The following GSTCD variants were observed in gnomAD, a reference collection of about 807,000 sequenced individuals.
GSTCD encodes glutathione S-transferase C-terminal domain containing.
GSTCD carries 44 observed loss-of-function variants against 68.3 expected under a neutral mutation model. The observed-to-expected ratio is 0.64, with a 90% CI of 0.51 to 0.83. The LOEUF is 0.83. Among genes scored for constraint, GSTCD ranks in the 40% least tolerant of loss-of-function variants. GSTCD has a pLI of 0.00. For synonymous variants in GSTCD, 273 were observed against 255.2 expected (o/e 1.07, Z -0.67); for missense variants, 739 against 735.9 (o/e 1.00, Z -0.05).
At chr4:105,795,039 T>A (rs1219085871) in intron 5 of GSTCD, among the ~76,000 whole-genome samples, 2 of 151,826 alleles carry the variant, frequency 1.3e-5, no homozygotes, top group Non-Finnish European at 2.9e-5. Flanking sequence ...CACACCCAGC[T>A]AATTTTTTGT....
chr4:105,749,062 C>T (rs1411861178), intron 5 of GSTCD, among the ~76,000 whole-genome samples: 1 of 151,296 alleles, frequency 6.6e-6, no homozygotes, highest in Non-Finnish European at 1.5e-5. Flanking sequence ...AGTAATGTAC[C>T]ATATAATCTT....
intron 5 of GSTCD, chr4:105,761,269 G>A: frequency 6.0e-6 from 1 of 167,504 alleles, no homozygotes; most frequent in Non-Finnish European, 1.3e-5. Context: ...CTCCCAAAGT[G>A]CCAGGATTAT....
At chr4:105,820,708 C>T (rs1209649561) in intron 5 of GSTCD, 1 of 151,822 alleles carries the variant, frequency 6.6e-6, no homozygotes, top group African/African-American at 2.4e-5. Context: ...TTATGTGCAG[C>T]GTATGGTCTC....
At chr4:105,818,905 A>G (rs965281937) in intron 5 of GSTCD, among the ~76,000 whole-genome samples, 3 of 151,758 alleles carry the variant, frequency 2.0e-5, no homozygotes, top group Non-Finnish European at 4.4e-5. Flanking sequence ...TTGGGGTTCA[A>G]TGCTCCAGAT....
intron 5 of GSTCD, among the ~76,000 whole-genome samples, chr4:105,775,899 C>T (rs1443944071): frequency 6.6e-6 from 1 of 152,214 alleles, no homozygotes; most frequent in Non-Finnish European, 1.5e-5. Context: ...ATGCTCTCTT[C>T]AGAGCCAACA....
intron 7 of GSTCD, 71 bp from the exon 8 acceptor site, chr4:105,825,601 T>C (rs751860493): frequency 1.6e-5 from 14 of 854,274 alleles, no homozygotes; most frequent in Middle Eastern, 2.7e-4. Context: ...CTATGAAATA[T>C]AGTGATAATG....
chr4:105,726,408 G>T (rs1020193664), intron 3 of GSTCD, among the ~76,000 whole-genome samples, 171 bp from the exon 4 acceptor site: 1 of 152,148 alleles, frequency 6.6e-6, no homozygotes, highest in African/African-American at 2.4e-5. Context: ...AATTTCGGGG[G>T]TGACGTAAGT....
At chr4:105,740,347 G>A (rs1399587725) in intron 5 of GSTCD, among the ~76,000 whole-genome samples, 1 of 151,898 alleles carries the variant, frequency 6.6e-6, no homozygotes, top group Non-Finnish European at 1.5e-5. Context: ...TTTCCCCACG[G>A]GGAGAGTTCC....
chr4:105,828,507 G>A (rs569193667), intron 8 of GSTCD, among the ~76,000 whole-genome samples: 51 of 152,198 alleles, frequency 3.4e-4, no homozygotes, highest in African/African-American at 1.1e-3. Context: ...TTTCAACCCC[G>A]CTTCTCCCCA....
intron 5 of GSTCD, among the ~76,000 whole-genome samples, chr4:105,766,582 G>A (rs907787032): frequency 1.3e-5 from 2 of 151,986 alleles, no homozygotes; most frequent in Admixed American, 6.6e-5. Context: ...TTCTATTTTT[G>A]TCATAATACC....
intron 5 of GSTCD, among the ~76,000 whole-genome samples, chr4:105,750,490 A>G (rs1486024620): frequency 6.6e-6 from 1 of 151,858 alleles, no homozygotes; most frequent in Non-Finnish European, 1.5e-5. Context: ...GAAAAGTAAC[A>G]ACACTGAATG....
chr4:105,833,570 A>G (rs991080754), intron 8 of GSTCD, among the ~76,000 whole-genome samples: 7 of 152,046 alleles, frequency 4.6e-5, no homozygotes, highest in Non-Finnish European at 7.4e-5. Context: ...ATTACAATTT[A>G]TGTTTGTTCA....
At chr4:105,835,160 C>CA (rs1724061422) in intron 9 of GSTCD, among the ~76,000 whole-genome samples, 1 of 152,152 alleles carries the variant, frequency 6.6e-6, no homozygotes, top group African/African-American at 2.4e-5. Flanking sequence ...ATAATGGTAG[C>CA]AATGTCACAG....
intron 4 of GSTCD, among the ~76,000 whole-genome samples, chr4:105,727,907 A>T (rs1386595245): frequency 6.6e-6 from 1 of 152,216 alleles, no homozygotes; most frequent in African/African-American, 2.4e-5. Flanking sequence ...CTGGAAAAAT[A>T]TTCATTATAT....
chr4:105,797,183 T>TA (rs1343908647), intron 5 of GSTCD, among the ~76,000 whole-genome samples: 3 of 152,058 alleles, frequency 2.0e-5, no homozygotes, highest in African/African-American at 7.3e-5. Context: ...GTTAGGTAGT[T>TA]AGTTAATTTC....
At chr4:105,722,198 CT>C (rs1177653922) in intron 3 of GSTCD, among the ~76,000 whole-genome samples, 1 of 151,932 alleles carries the variant, frequency 6.6e-6, no homozygotes, top group East Asian at 1.9e-4. Context: ...ACACAGACAT[CT>C]TTATTAGCTT....
intron 5 of GSTCD, among the ~76,000 whole-genome samples, chr4:105,821,710 T>C (rs1171593479): frequency 6.6e-6 from 1 of 151,876 alleles, no homozygotes; most frequent in Non-Finnish European, 1.5e-5. Context: ...AGCAACGCAT[T>C]GACATGGAAA....
intron 5 of GSTCD, among the ~76,000 whole-genome samples, chr4:105,797,159 G>T (rs2544424): frequency 0.87 from 132,657 of 151,824 alleles, 58,258 homozygotes; most frequent in East Asian, 0.96. Flanking sequence ...GGATTTAATA[G>T]TCATACCTAT....
intron 10 of GSTCD, chr4:105,840,433 A>G: frequency 4.3e-6 from 1 of 232,698 alleles, no homozygotes. Flanking sequence ...TTAAGCATAC[A>G]AGTTTAGACA....
Sources: gnomAD v4.1 joint callset for allele counts (sites outside exome capture counted in the v4.1 genomes callset) on GRCh38, gnomAD v4.1.1 for gene constraint, MANE v1.5 for transcripts, NCBI Gene and HGNC (gene_info 2026-07-23, HGNC 2026-07-21) for gene names.